Variants in NHLRC3 observed in about 807,000 individuals in gnomAD.
NHLRC3 encodes NHL repeat-containing protein 3.
A neutral mutation model predicts 32.0 loss-of-function variants in NHLRC3; 23 were observed. That is an observed-to-expected ratio of 0.72 (90% CI 0.52 to 1.02). NHLRC3 has a LOEUF of 1.02. Ranked by LOEUF, NHLRC3 falls within the 50% of genes least tolerant of loss-of-function variation. NHLRC3 has a pLI of 0.00. For synonymous variants in NHLRC3, 159 were observed against 147.9 expected (o/e 1.08, Z -0.55); for missense variants, 407 against 406.8 (o/e 1.00, Z -0.01).
chr13:39,038,587 G>T lies in NHLRC3; in HGVS notation c.-53G>T. The T allele has an allele frequency of 6.7e-7, 1 of 1,493,582 alleles. No individual in the cohort carries two copies. Among genetic ancestry groups the T allele is most frequent in the Non-Finnish European group, 9.3e-7 (1 of 1,069,902 alleles). 92.5% of individuals were successfully genotyped at this position (1,493,582 alleles called of 1,614,324 possible). ...AAACCGTTGCAGCCTGAGGCTGTCA[G>T]GTCCTCCCCCAGACACCTGCGGACC... is the stretch of plus-strand genomic sequence containing the variant. On this transcript the variant is annotated 5_prime_UTR_variant, in exon 1 of 7. It adds an upstream start codon to the 5' untranslated region. Coordinates refer to ENST00000379600, the MANE Select transcript of NHLRC3 (RefSeq NM_001012754.4).
Position 39,039,512 on chromosome 13 carries a change from A to T in NHLRC3, c.238-52A>T, listed in dbSNP as rs921940350. On this transcript the variant is annotated intron_variant, in intron 2 of 6. Transcript: ENST00000379600. ...ATTTTTTTTCTTCGCCAAGATACAG[A>T]TTACCTTTCCTTTAAGCTGATCCTA... 2.0e-6 allele frequency: 3 copies of T among 1,467,828 alleles called. No individual in the cohort carries two copies. The African/African-American group carries it at 4.2e-5, about 21-fold the overall frequency. The allele number at this position is 1,467,828 out of a possible 1,614,324, so 90.9% of individuals were successfully genotyped here. A position where few individuals can be genotyped will look rare whatever the true frequency, so the allele number is the denominator to read the frequency against.
chr13:39,048,124 T>C lies in NHLRC3; in HGVS notation c.*198T>C. 2.1e-6 allele frequency: 1 copy of C among 477,436 alleles called. No individual in the cohort carries two copies. Among genetic ancestry groups the C allele is most frequent in the South Asian group, 3.6e-5 (1 of 27,836 alleles). The allele number at this position is 477,436 out of a possible 1,614,324, so 29.6% of individuals were successfully genotyped here. A position where few individuals can be genotyped will look rare whatever the true frequency, so the allele number is the denominator to read the frequency against. On this transcript the variant is annotated 3_prime_UTR_variant, in exon 7 of 7. Coordinates refer to ENST00000379600, the MANE Select transcript of NHLRC3 (RefSeq NM_001012754.4). ...AGTTTTATTTGTAAGTGCATAAGGA[T>C]ATTTTAATGAAAGGAAAGTAACTAA...
chr13:39,038,841 G>A (rs1871322011), intron 1 of NHLRC3, 118 bp downstream of exon 1: 1 of 875,866 alleles, frequency 1.1e-6, no homozygotes, highest in African/African-American at 1.7e-5. Context: ...TTGTCTCAAA[G>A]CCTGCACCTG....
chr13:39,048,172 C>CT lies in NHLRC3; in HGVS notation c.*247dup. 2.8e-6 allele frequency: 1 copy of CT among 351,554 alleles called. No homozygotes were observed. 21.8% of individuals were successfully genotyped at this position (351,554 alleles called of 1,614,324 possible). A position where few individuals can be genotyped will look rare whatever the true frequency, so the allele number is the denominator to read the frequency against. ...TAAAAAATGGGGTTGGGAAGAGGGA[C>CT]TAAGGTGGTAACCTCATTATTTGCC... is the stretch of plus-strand genomic sequence containing the variant. On this transcript the variant is annotated 3_prime_UTR_variant, in exon 7 of 7. Coordinates refer to ENST00000379600, the MANE Select transcript of NHLRC3 (RefSeq NM_001012754.4).
rs754676391 is a variant in NHLRC3, at chr13:39,044,075, T to C, written c.587-15T>C. 2.5e-6 allele frequency: 4 copies of C among 1,588,986 alleles called. No individual in the cohort carries two copies. The highest frequency in any genetic ancestry group is 3.5e-6 in the Non-Finnish European group (4 of 1,157,156). ...TCTATATGTTGCTCTGACTATATAT[T>C]TTTACCGTTTATAGATTTCATGATC... On this transcript the variant is annotated splice_polypyrimidine_tract_variant and intron_variant, in intron 4 of 6. Coordinates refer to ENST00000379600, the MANE Select transcript of NHLRC3 (RefSeq NM_001012754.4).
Position 39,038,719 on chromosome 13 carries a change from CTCCAG to C in NHLRC3, c.82_84+2del. ...GTTTTGCATTCGCGTTTTTGTGGCT[CTCCAG>C]TGAGTTGGGTAGTGAGGAAATGACT... On this transcript the variant is annotated splice_donor_variant and coding_sequence_variant, in exon 1 of 7. Coordinates refer to ENST00000379600, the MANE Select transcript of NHLRC3 (RefSeq NM_001012754.4). LOFTEE classifies it high-confidence loss of function. 6.2e-7 allele frequency: 1 copy of C among 1,613,076 alleles called. No homozygotes were observed. The highest frequency in any genetic ancestry group is 2.2e-5 in the East Asian group (1 of 44,866).
rs897980908 is a variant in NHLRC3 at position 39,038,476 on chromosome 13, C to T, written c.-164C>T. The T allele has an allele frequency of 2.4e-5, 16 of 653,306 alleles. No homozygotes were observed. The highest frequency in any genetic ancestry group is 4.2e-4 in the Middle Eastern group (1 of 2,374). 40.5% of individuals were successfully genotyped at this position (653,306 alleles called of 1,614,324 possible). On this transcript the variant is annotated 5_prime_UTR_variant, in exon 1 of 7. Transcript: ENST00000379600. ...TTTTCATTCGCCCTGGTCTCTGTTC[C>T]CTTTCGTACTCAAAGCTCGTGCATC...
Position 39,044,109 on chromosome 13 carries a change from G to A in NHLRC3, c.606G>A (p.Leu202=), listed in dbSNP as rs1162445640. 2 of 1,612,648 alleles carry A rather than the reference G, an allele frequency of 1.2e-6. No individual in the cohort carries two copies. The highest frequency in any genetic ancestry group is 1.7e-6 in the Non-Finnish European group (2 of 1,178,768). Residue 202 remains leucine, a synonymous_variant, in exon 5 of 7, where the codon CTG becomes CTA. Transcript: ENST00000379600. ...TTATAGATTTCATGATCCTTTGGCT[G>A]CATGGAGAAAATGGGACAGGGCCTG... ...KLSQDFMILW[L]HGENGTGPAK...
Position 39,048,119 on chromosome 13 carries a change from A to G in NHLRC3, c.*193A>G. ...GACTTAGTTTTATTTGTAAGTGCAT[A>G]AGGATATTTTAATGAAAGGAAAGTA... is the stretch of plus-strand genomic sequence containing the variant. On this transcript the variant is annotated 3_prime_UTR_variant, in exon 7 of 7. Coordinates refer to ENST00000379600, the MANE Select transcript of NHLRC3 (RefSeq NM_001012754.4). 2.0e-6 allele frequency: 1 copy of G among 505,922 alleles called. No individual in the cohort carries two copies. The highest frequency in any genetic ancestry group is 3.5e-6 in the Non-Finnish European group (1 of 288,242). The allele number at this position is 505,922 out of a possible 1,614,324, so 31.3% of individuals were successfully genotyped here.
chr13:39,042,832 A>G (rs1218587140), intron 4 of NHLRC3, among the ~76,000 whole-genome samples: 2 of 152,214 alleles, frequency 1.3e-5, no homozygotes, highest in African/African-American at 2.4e-5. Flanking sequence ...GGAAGTAGTT[A>G]TTGAACTAAA....
rs779689901 is a variant in NHLRC3 at position 39,042,135 on chromosome 13, G to T, written c.416G>T (p.Ser139Ile). 2 of 1,609,158 alleles carry T rather than the reference G, an allele frequency of 1.2e-6. No homozygotes were observed. Among genetic ancestry groups the T allele is most frequent in the African/African-American group, 2.7e-5 (2 of 74,800 alleles). ...GFFGHTVKKYSSFGDLVQVLG... is the reference protein window; with the variant it reads ...GFFGHTVKKYISFGDLVQVLG... Reference sequence around the variant, plus strand: ...TTTGGTCATACTGTTAAAAAATACAGTTCTTTTGGTGATCTTGTTCAAGTC... The same window carrying T: ...TTTGGTCATACTGTTAAAAAATACATTTCTTTTGGTGATCTTGTTCAAGTC... Residue 139 changes from serine (S) to isoleucine (I), a missense_variant, in exon 4 of 7, where the codon AGT becomes ATT. Transcript: ENST00000379600.
Position 39,047,218 on chromosome 13 carries a change from T to G in NHLRC3, c.791+66T>G, listed in dbSNP as rs114696071. On this transcript the variant is annotated intron_variant, in intron 6 of 6. Coordinates refer to ENST00000379600, the MANE Select transcript of NHLRC3 (RefSeq NM_001012754.4). Reference sequence around the variant, plus strand: ...GTGTATGTGTCTCACTTCCTCTGAATAGCTAGCTGAAAGTTTAAAATATTT... The same window carrying G: ...GTGTATGTGTCTCACTTCCTCTGAAGAGCTAGCTGAAAGTTTAAAATATTT... 2,370 of 856,002 alleles carry G rather than the reference T, an allele frequency of 2.8e-3. 35 individuals are homozygous for G. In the African/African-American group the frequency reaches 0.036, roughly 13 times the overall value. The allele number at this position is 856,002 out of a possible 1,614,324, so 53.0% of individuals were successfully genotyped here. A position where few individuals can be genotyped will look rare whatever the true frequency, so the allele number is the denominator to read the frequency against.
At position 39,049,551 on chromosome 13, in the gene NHLRC3, A is replaced by G. The variant is rs1871826057; in HGVS notation, c.*1625A>G. 6.6e-6 allele frequency: 1 copy of G among 152,236 alleles called. No homozygotes were observed. Among genetic ancestry groups the G allele is most frequent in the Admixed American group, 6.5e-5 (1 of 15,290 alleles). The allele number at this position is 152,236 out of a possible 1,614,324, so 9.4% of individuals were successfully genotyped here. ...ATTTTATTAACAAAGGCCCTTCTAAATGTGCTATTTATTTGACAATAACTA... is the reference window on the plus strand; with the variant it reads ...ATTTTATTAACAAAGGCCCTTCTAAGTGTGCTATTTATTTGACAATAACTA... On this transcript the variant is annotated 3_prime_UTR_variant, in exon 7 of 7. Transcript: ENST00000379600.
chr13:39,043,789 G>C (rs141695146), intron 4 of NHLRC3, among the ~76,000 whole-genome samples: 1 of 152,188 alleles, frequency 6.6e-6, no homozygotes, highest in East Asian at 1.9e-4. Context: ...AGTTGGGAAG[G>C]GGAACCAGTT....
intron 3 of NHLRC3, 75 bp from the exon 4 acceptor site, chr13:39,042,030 C>T (rs1871482529): frequency 1.2e-6 from 1 of 827,390 alleles, no homozygotes; most frequent in Non-Finnish European, 2.0e-6. Flanking sequence ...CAAATTTTTG[C>T]TCTTAGCTTA....
Position 39,042,218 on chromosome 13 carries a change from G to A in NHLRC3, c.499G>A (p.Ala167Thr). 1.2e-6 allele frequency: 2 copies of A among 1,611,464 alleles called. No individual in the cohort carries two copies. The highest frequency in any genetic ancestry group is 1.7e-6 in the Non-Finnish European group (2 of 1,177,688). The change falls in exon 4 of 7, where the codon GCA becomes ACA. Residue 167 changes from alanine to threonine, a missense_variant. By Grantham distance (58) the Ala-to-Thr change is moderately conservative (BLOSUM62 0). Transcript: ENST00000379600. Reference protein sequence around the residue: ...SLNPLQFDNPAELYVEDTGDI... With the variant: ...SLNPLQFDNPTELYVEDTGDI... ...GAATCCTTTGCAGTTTGATAACCCA[G>A]CAGAATTATATGTAGAGGACACAGG...
intron 5 of NHLRC3, among the ~76,000 whole-genome samples, chr13:39,045,212 G>A (rs551397781): frequency 1.4e-4 from 21 of 152,244 alleles, no homozygotes; most frequent in Admixed American, 5.2e-4. Context: ...GCCATAAGAC[G>A]TTAATCAACC....
chr13:39,044,161 A>G lies in NHLRC3; in HGVS notation c.658A>G (p.Thr220Ala). ...PAKFNIPHSV[T>A]LDSAGRVWVA... ...TAAGTTCAACATACCTCACAGTGTT[A>G]CACTTGATTCAGCTGGTCGGGTACA... Residue 220 changes from threonine to alanine, a missense_variant, in exon 5 of 7, where the codon ACA (threonine) becomes GCA (alanine). Coordinates refer to ENST00000379600, the MANE Select transcript of NHLRC3 (RefSeq NM_001012754.4). 1.2e-6 allele frequency: 2 copies of G among 1,612,636 alleles called. No homozygotes were observed. The highest frequency in any genetic ancestry group is 1.7e-6 in the Non-Finnish European group (2 of 1,178,710).
rs750164882 is a variant in NHLRC3, at chr13:39,047,171, T to G, written c.791+19T>G. On this transcript the variant is annotated intron_variant, in intron 6 of 6. Coordinates refer to ENST00000379600, the MANE Select transcript of NHLRC3 (RefSeq NM_001012754.4). ...CAGTCAGGTAATTGTTTCATTTTAT[T>G]GCAAAATGCTTGTTTTAGTTAGTGT... 1 of 1,403,794 alleles carries G rather than the reference T, an allele frequency of 7.1e-7. No homozygotes were observed. Among genetic ancestry groups the G allele is most frequent in the Non-Finnish European group, 1.0e-6 (1 of 995,614 alleles). 87.0% of individuals were successfully genotyped at this position (1,403,794 alleles called of 1,614,324 possible). A position where few individuals can be genotyped will look rare whatever the true frequency, so the allele number is the denominator to read the frequency against.
Sources: gnomAD v4.1 joint callset for allele counts (sites outside exome capture counted in the v4.1 genomes callset) on GRCh38, gnomAD v4.1.1 for gene constraint, MANE v1.5 for transcripts, NCBI Gene and HGNC (gene_info 2026-07-23, HGNC 2026-07-21) for gene names.